SNAP91: variants seen among roughly 807,000 people sequenced by gnomAD.
SNAP91 encodes the protein clathrin coat assembly protein AP180.
In SNAP91, 27 loss-of-function variants were observed where a neutral mutation model predicts 100.3. That is an observed-to-expected ratio of 0.27 (90% confidence interval 0.20 to 0.37). The LOEUF (loss-of-function observed/expected upper bound fraction) is 0.37, where lower values mean the gene tolerates loss of function less well. SNAP91 is among the 10% of genes least tolerant of loss of function. The pLI is 1.00. For synonymous variants in SNAP91, 404 were observed against 398.6 expected, an observed-to-expected ratio of 1.01 and a Z score of -0.16; for missense variants, 986 against 1,123.7, an observed-to-expected ratio of 0.88 and a Z score of 1.75.
At chr6:83,584,881 C>G (rs1319690430) in intron 22 of SNAP91, among the ~76,000 whole-genome samples, 2 of 152,090 alleles carry the variant, frequency 1.3e-5, no homozygotes, top group Non-Finnish European at 2.9e-5. Flanking sequence ...TTCTCACATC[C>G]AGAAAAAATG....
At chr6:83,577,366 AAATT>A (rs1188670806) in intron 24 of SNAP91, among the ~76,000 whole-genome samples, 2 of 149,320 alleles carry the variant, frequency 1.3e-5, no homozygotes, top group South Asian at 2.2e-4. Context: ...TTAAAAGACA[AAATT>A]TATTTTAAAA....
At chr6:83,614,829 CA>C (rs1187408274) in intron 11 of SNAP91, 27 bp downstream of exon 11, 4 of 1,551,976 alleles carry the variant, frequency 2.6e-6, no homozygotes, top group Non-Finnish European at 3.5e-6. Context: ...TTACCAAATG[CA>C]AAAAACTCAC....
intron 2 of SNAP91, among the ~76,000 whole-genome samples, chr6:83,704,783 A>C (rs1349118884): frequency 6.6e-6 from 1 of 152,162 alleles, no homozygotes; most frequent in Non-Finnish European, 1.5e-5. Flanking sequence ...AACTAGTAAT[A>C]AATTGAAATT....
At chr6:83,571,753 T>C (rs192372909) in intron 26 of SNAP91, among the ~76,000 whole-genome samples, 63 of 152,280 alleles carry the variant, frequency 4.1e-4, no homozygotes, top group Admixed American at 1.3e-3. Context: ...TTTTGAAATG[T>C]GAAGATATGA....
intron 8 of SNAP91, among the ~76,000 whole-genome samples, chr6:83,628,633 A>C (rs2097075560): frequency 6.6e-6 from 1 of 151,340 alleles, no homozygotes; most frequent in East Asian, 1.9e-4. Flanking sequence ...GATGTTAAGC[A>C]TTTTTTCTTA....
At chr6:83,571,594 T>C (rs1807898069) in intron 26 of SNAP91, among the ~76,000 whole-genome samples, 1 of 152,194 alleles carries the variant, frequency 6.6e-6, no homozygotes, top group Non-Finnish European at 1.5e-5. Context: ...CCCCATTGTA[T>C]CTAGGAAGTA....
intron 7 of SNAP91, among the ~76,000 whole-genome samples, chr6:83,645,817 C>T (rs2097895263): frequency 6.6e-6 from 1 of 152,182 alleles, no homozygotes; most frequent in Admixed American, 6.5e-5. Flanking sequence ...TGCCACTGCA[C>T]TCCAGTCTGG....
chr6:83,676,779 G>A (rs986656461), intron 2 of SNAP91, among the ~76,000 whole-genome samples: 3 of 152,130 alleles, frequency 2.0e-5, no homozygotes, highest in Non-Finnish European at 4.4e-5. Flanking sequence ...GCAAAGACTG[G>A]GTGAGGAAAG....
intron 2 of SNAP91, among the ~76,000 whole-genome samples, chr6:83,696,173 C>T (rs1338950841): frequency 6.6e-6 from 1 of 152,036 alleles, no homozygotes; most frequent in African/African-American, 2.4e-5. Context: ...AAAAAAACAA[C>T]AAAACTACAT....
intron 26 of SNAP91, among the ~76,000 whole-genome samples, chr6:83,571,110 CTTTT>C (rs60946158): frequency 1.4e-5 from 2 of 145,128 alleles, no homozygotes; most frequent in Non-Finnish European, 3.1e-5. Flanking sequence ...GCGCCCACCT[CTTTT>C]TTTTTTTTTC....
At chr6:83,683,657 A>G (rs531356993) in intron 2 of SNAP91, among the ~76,000 whole-genome samples, 6 of 152,332 alleles carry the variant, frequency 3.9e-5, no homozygotes, top group Non-Finnish European at 5.9e-5. Flanking sequence ...TAAATCATCC[A>G]GCCTCAGGTA....
At chr6:83,660,061 A>T (rs529713014) in intron 5 of SNAP91, among the ~76,000 whole-genome samples, 11 of 152,314 alleles carry the variant, frequency 7.2e-5, no homozygotes, top group Middle Eastern at 3.4e-3. Flanking sequence ...AAATACCCAG[A>T]TGATGTGGAC....
intron 9 of SNAP91, 94 bp from the exon 10 acceptor site, chr6:83,617,133 G>T: frequency 1.5e-6 from 1 of 660,084 alleles, no homozygotes; most frequent in Non-Finnish European, 2.5e-6. Context: ...GAAGTCTGTG[G>T]ATGGACCCCG....
intron 8 of SNAP91, among the ~76,000 whole-genome samples, chr6:83,627,299 C>T (rs2096974734): frequency 6.6e-6 from 1 of 151,848 alleles, no homozygotes; most frequent in Non-Finnish European, 1.5e-5. Flanking sequence ...GGGATATTGG[C>T]TTGTAGTTTT....
At chr6:83,607,033 G>A (rs1200148571) in intron 13 of SNAP91, among the ~76,000 whole-genome samples, 1 of 152,086 alleles carries the variant, frequency 6.6e-6, no homozygotes, top group Non-Finnish European at 1.5e-5. Context: ...TCCAAACATA[G>A]GGCATTCATA....
Position 83,656,885 on chromosome 6 carries a change from T to A in SNAP91, c.547-20A>T. 8.3e-7 allele frequency: 1 copy of A among 1,208,332 alleles called. No homozygotes were observed. The highest frequency in any genetic ancestry group is 1.2e-6 in the Non-Finnish European group (1 of 839,180). 74.9% of individuals were successfully genotyped at this position (1,208,332 alleles called of 1,614,324 possible). On this transcript the variant is annotated intron_variant, in intron 6 of 29. Coordinates refer to ENST00000369694, the MANE Select transcript of SNAP91 (RefSeq NM_001242792.2). ...ATGCACCTAGAAAAACAGAAAAATT[T>A]AATATTAGCGGCATATCATTAAGTC...
At chr6:83,693,505 C>A (rs1012140117) in intron 2 of SNAP91, among the ~76,000 whole-genome samples, 2 of 152,072 alleles carry the variant, frequency 1.3e-5, no homozygotes, top group African/African-American at 4.8e-5. Context: ...ACCTAAGTGG[C>A]AACTCAAAGA....
intron 7 of SNAP91, among the ~76,000 whole-genome samples, chr6:83,651,511 T>G (rs2098203464): frequency 6.6e-6 from 1 of 152,172 alleles, no homozygotes; most frequent in African/African-American, 2.4e-5. Context: ...CCATGTGTTA[T>G]TTAGAAGTGT....
intron 6 of SNAP91, among the ~76,000 whole-genome samples, chr6:83,658,748 C>A (rs1289113385): frequency 1.3e-5 from 2 of 152,220 alleles, no homozygotes; most frequent in African/African-American, 4.8e-5. Context: ...CACTATCCTG[C>A]TCAGAACATG....
Sources: allele counts gnomAD v4.1 joint callset (sites outside exome capture counted in the v4.1 genomes callset), GRCh38; gene constraint gnomAD v4.1.1; transcripts MANE v1.5; gene names NCBI Gene and HGNC (gene_info 2026-07-23, HGNC 2026-07-21).